The following ANO6 variants were observed in gnomAD, a reference collection of about 807,000 sequenced individuals.
ANO6 encodes anoctamin-6.
ANO6 carries 106 observed loss-of-function variants against 117.5 expected under a neutral mutation model. The ratio of observed to expected loss-of-function variants is 0.90; its 90% CI spans 0.77 to 1.06. ANO6 has a LOEUF of 1.06. Ranked by LOEUF, ANO6 falls within the 50% of genes least tolerant of loss-of-function variation. ANO6 has a pLI of 0.00. For missense variants in ANO6, 955 were observed against 1,121.1 expected (o/e 0.85, Z 2.12); for synonymous variants, 367 against 385.1 (o/e 0.95, Z 0.55).
At chr12:45,363,252 C>T (rs1941600707) in intron 8 of ANO6, among the ~76,000 whole-genome samples, 1 of 152,122 alleles carries the variant, frequency 6.6e-6, no homozygotes, top group African/African-American at 2.4e-5. Flanking sequence ...ATTTCAGATT[C>T]AGATTTTTGA....
chr12:45,304,641 A>G (rs559062149), intron 2 of ANO6, among the ~76,000 whole-genome samples: 2 of 152,190 alleles, frequency 1.3e-5, no homozygotes, highest in Non-Finnish European at 2.9e-5. Flanking sequence ...TAGTGTTTTT[A>G]TACAATGGGG....
At chr12:45,260,245 C>T (rs1223164705) in intron 1 of ANO6, among the ~76,000 whole-genome samples, 2 of 152,224 alleles carry the variant, frequency 1.3e-5, no homozygotes, top group African/African-American at 4.8e-5. Context: ...TAACCTTAAA[C>T]AGCTGAAGAT....
intron 2 of ANO6, among the ~76,000 whole-genome samples, chr12:45,325,050 A>C (rs927774788): frequency 1.4e-5 from 2 of 144,714 alleles, no homozygotes; most frequent in African/African-American, 4.9e-5. Flanking sequence ...TATATAATTA[A>C]GAAGAATCAG....
At chr12:45,357,997 A>T (rs1390305803) in intron 8 of ANO6, among the ~76,000 whole-genome samples, 1 of 152,192 alleles carries the variant, frequency 6.6e-6, no homozygotes, top group Non-Finnish European at 1.5e-5. Context: ...CACCAGCTGC[A>T]CTCTCTAAAG....
At chr12:45,269,831 T>C (rs1938336690) in intron 1 of ANO6, among the ~76,000 whole-genome samples, 1 of 152,232 alleles carries the variant, frequency 6.6e-6, no homozygotes, top group African/African-American at 2.4e-5. Context: ...AGTTTTCTTG[T>C]TAATTCAATG....
chr12:45,217,986 A>G (rs185609523), intron 1 of ANO6, among the ~76,000 whole-genome samples: 1 of 152,272 alleles, frequency 6.6e-6, no homozygotes, highest in East Asian at 1.9e-4. Context: ...TTTAGAAAGT[A>G]ATTTGGTCTA....
At chr12:45,432,745 G>A (rs565458946), downstream of ANO6, among the ~76,000 whole-genome samples, 1 of 152,214 alleles carries the variant, frequency 6.6e-6, no homozygotes, top group Non-Finnish European at 1.5e-5. Flanking sequence ...AATAGTGACC[G>A]AGAGGACGTA....
chr12:45,225,279 A>G (rs1947464694), intron 1 of ANO6, among the ~76,000 whole-genome samples: 1 of 151,262 alleles, frequency 6.6e-6, no homozygotes. Flanking sequence ...AAATGATTGT[A>G]TTTTAATAAG....
At chr12:45,231,675 G>A (rs1329481342) in intron 1 of ANO6, among the ~76,000 whole-genome samples, 1 of 152,170 alleles carries the variant, frequency 6.6e-6, no homozygotes, top group Non-Finnish European at 1.5e-5. Context: ...AAGATTGCCA[G>A]ACCATCTCAT....
chr12:45,423,369 C>T (rs1183205959), intron 19 of ANO6, among the ~76,000 whole-genome samples: 4 of 152,120 alleles, frequency 2.6e-5, no homozygotes, highest in African/African-American at 4.8e-5. Context: ...AAGATGGGTA[C>T]GATGATGTGA....
At chr12:45,361,559 C>A (rs1275135545) in intron 8 of ANO6, among the ~76,000 whole-genome samples, 1 of 152,094 alleles carries the variant, frequency 6.6e-6, no homozygotes, top group African/African-American at 2.4e-5. Flanking sequence ...CTGACTAGAA[C>A]CTCCAATATA....
chr12:45,350,873 G>A, intron 7 of ANO6, 99 bp downstream of exon 7: 1 of 1,036,020 alleles, frequency 9.7e-7, no homozygotes, highest in Non-Finnish European at 1.5e-6. Context: ...TGCCAGTGAA[G>A]GGAGCTGACC....
chr12:45,291,050 T>G lies in ANO6; in HGVS notation c.71-10964T>G, dbSNP rs80262740. 9.6e-3 allele frequency among the ~76,000 whole-genome samples: 1,469 copies of G among 152,290 alleles called. 25 individuals are homozygous for G. The highest frequency in any genetic ancestry group is 0.033 in the African/African-American group (1,383 of 41,568). ...TACACTCAATGAGGAAAGAAGAGTC[T>G]CTTCAACAAATGGTGCTGCAGCAAC... On this transcript the variant is annotated intron_variant, in intron 1 of 19. Coordinates refer to ENST00000320560, the MANE Select transcript of ANO6 (RefSeq NM_001025356.3).
chr12:45,371,396 C>T (rs1452738846), intron 9 of ANO6, among the ~76,000 whole-genome samples: 1 of 152,206 alleles, frequency 6.6e-6, no homozygotes, highest in Non-Finnish European at 1.5e-5. Context: ...GTAGGCTCCA[C>T]CTCTGGGGGC....
At chr12:45,357,169 G>C in intron 7 of ANO6, 121 bp from the exon 8 acceptor site, 1 of 1,117,110 alleles carries the variant, frequency 9.0e-7, no homozygotes, top group Non-Finnish European at 1.3e-6. Context: ...TGTTTTAAGG[G>C]TGAATTGAGT....
intron 1 of ANO6, among the ~76,000 whole-genome samples, chr12:45,267,357 T>A (rs926700100): frequency 2.6e-5 from 4 of 152,190 alleles, no homozygotes; most frequent in Non-Finnish European, 5.9e-5. Flanking sequence ...TAGGGCACAC[T>A]CTCACACTCT....
At chr12:45,372,715 T>C (rs1941881200) in intron 9 of ANO6, among the ~76,000 whole-genome samples, 1 of 152,066 alleles carries the variant, frequency 6.6e-6, no homozygotes, top group African/African-American at 2.4e-5. Flanking sequence ...AAGGAAGCAC[T>C]AAACATGGAA....
chr12:45,339,956 AT>A (rs1940934298), intron 3 of ANO6, among the ~76,000 whole-genome samples: 1 of 152,278 alleles, frequency 6.6e-6, no homozygotes, highest in East Asian at 1.9e-4. Context: ...TAGTATATTC[AT>A]TAATTTTACT....
intron 11 of ANO6, among the ~76,000 whole-genome samples, chr12:45,388,839 A>G (rs541368983): frequency 6.6e-6 from 1 of 152,194 alleles, no homozygotes; most frequent in Non-Finnish European, 1.5e-5. Context: ...TTTGAGGTCC[A>G]ACTCTGTTCA....
Sources: allele counts gnomAD v4.1 joint callset (sites outside exome capture counted in the v4.1 genomes callset), GRCh38; gene constraint gnomAD v4.1.1; transcripts MANE v1.5; gene names NCBI Gene and HGNC (gene_info 2026-07-23, HGNC 2026-07-21).